The following COL1A2 variants were observed in gnomAD, a reference collection of about 807,000 sequenced individuals.
The protein encoded by COL1A2 is collagen type I alpha 2 chain.
In COL1A2, 49 loss-of-function variants were observed where a neutral mutation model predicts 174.3. The observed-to-expected ratio is 0.28, with a 90% CI of 0.22 to 0.36. COL1A2 has a LOEUF of 0.36. COL1A2 is among the 10% of genes least tolerant of loss of function. COL1A2 has a pLI of 1.00. For synonymous variants in COL1A2, 655 were observed against 606.6 expected, an observed-to-expected ratio of 1.08 and a Z score of -1.17; for missense variants, 1,438 against 1,822.7, an observed-to-expected ratio of 0.79 and a Z score of 3.84.
At chr7:94,411,983 G>A (rs1033367525) in intron 23 of COL1A2, 85 bp from the exon 24 acceptor site, 4 of 1,117,956 alleles carry the variant, frequency 3.6e-6, no homozygotes, top group South Asian at 2.6e-5. Context: ...GGGGGAAAAG[G>A]TGCCTTTGTT....
In COL1A2 at chr7:94,418,493, T is replaced by G. The variant is rs1313592101; in HGVS notation, c.1972-6T>G. 1.9e-6 allele frequency: 3 copies of G among 1,613,594 alleles called. No individual in the cohort carries two copies. The African/African-American group carries it at 4.0e-5, about 22-fold the overall frequency. ...ACAAAAAGTTGCTCTTGCTTTATAC[T>G]TTCAGGGTGAACCTGGTCTCAGAGG... On this transcript the variant is annotated splice_region_variant and splice_polypyrimidine_tract_variant and intron_variant, in intron 32 of 51. Transcript: ENST00000297268.
chr7:94,415,214 T>C lies in COL1A2; in HGVS notation c.1720-12T>C. ...ACACAGATTTCATGCTTTATTCTCATGTTTTGTCTAGGGTCTCCATGGTGA... is the reference window on the plus strand; with the variant it reads ...ACACAGATTTCATGCTTTATTCTCACGTTTTGTCTAGGGTCTCCATGGTGA... On this transcript the variant is annotated splice_polypyrimidine_tract_variant and intron_variant, in intron 29 of 51. Coordinates refer to ENST00000297268, the MANE Select transcript of COL1A2 (RefSeq NM_000089.4). 2 of 1,612,316 alleles carry C rather than the reference T, an allele frequency of 1.2e-6. No individual in the cohort carries two copies. Among genetic ancestry groups the C allele is most frequent in the Non-Finnish European group, 1.7e-6 (2 of 1,178,330 alleles).
chr7:94,424,449 T>A lies in COL1A2; in HGVS notation c.2673+6T>A, dbSNP rs541013702. ...CAGGTGTTGCTGGTGCTGTGGTGAG[T>A]GCTTGACAGTATTCTGACTCCATTA... On this transcript the variant is annotated splice_donor_region_variant and intron_variant, in intron 41 of 51. Coordinates refer to ENST00000297268, the MANE Select transcript of COL1A2 (RefSeq NM_000089.4). 7 of 1,612,290 alleles carry A rather than the reference T, an allele frequency of 4.3e-6. No homozygotes were observed. In the East Asian group the frequency reaches 8.9e-5, roughly 21 times the overall value.
chr7:94,400,431 C>A, intron 5 of COL1A2, 143 bp downstream of exon 5: 1 of 804,992 alleles, frequency 1.2e-6, no homozygotes, highest in Non-Finnish European at 2.0e-6. Flanking sequence ...TTTTTTCACT[C>A]AAGATTCTGC....
chr7:94,399,253 T>C (rs907849799), intron 4 of COL1A2, among the ~76,000 whole-genome samples, 169 bp downstream of exon 4: 11 of 152,218 alleles, frequency 7.2e-5, no homozygotes, highest in African/African-American at 2.7e-4. Flanking sequence ...TTATATATGA[T>C]CAATATTTGT....
At position 94,429,275 on chromosome 7, in the gene COL1A2, A is replaced by C; in HGVS notation, c.3799A>C (p.Asn1267His). The C allele has an allele frequency of 6.2e-7, 1 of 1,614,072 alleles. No individual in the cohort carries two copies. Among genetic ancestry groups the C allele is most frequent in the Non-Finnish European group, 8.5e-7 (1 of 1,180,004 alleles). ...MRLLANYASQNITYHCKNSIA... is the reference protein window; with the variant it reads ...MRLLANYASQHITYHCKNSIA... ...CCTGCTGGCCAACTATGCCTCTCAGAACATCACCTACCACTGCAAGAACAG... is the reference window on the plus strand; with the variant it reads ...CCTGCTGGCCAACTATGCCTCTCAGCACATCACCTACCACTGCAAGAACAG... Residue 1267 changes from asparagine (N) to histidine (H), a missense_variant, in exon 51 of 52, where the codon AAC (asparagine) becomes CAC (histidine). Around this residue, in one of 3 missense-constraint regions of COL1A2, gnomAD observed 290 missense variants for 298.1 expected, o/e 0.97. Transcript: ENST00000297268.
rs140793239 is a variant in COL1A2, at chr7:94,402,511, T to TATG, written c.279+911_279+913dup. On this transcript the variant is annotated intron_variant, in intron 6 of 51. Coordinates refer to ENST00000297268, the MANE Select transcript of COL1A2 (RefSeq NM_000089.4). ...GAGCACCGCTTAGAAACATTCCCTA[T>TATG]ATGATGATGATGATGATGATGACTA... 6.9e-3 allele frequency among the ~76,000 whole-genome samples: 1,048 copies of TATG among 151,842 alleles called. 17 individuals are homozygous for TATG. Among genetic ancestry groups the TATG allele is most frequent in the African/African-American group, 0.023 (959 of 41,440 alleles).
chr7:94,412,568 A>G lies in COL1A2; in HGVS notation c.1405-16A>G, dbSNP rs73428205. The stretch of plus-strand genomic sequence containing the variant: ...TATGTTGACACTGAGTAAACTTGAA[A>G]TAACTCTGCTTTCAGGGCCTCCCTG... On this transcript the variant is annotated splice_polypyrimidine_tract_variant and intron_variant, in intron 24 of 51. Transcript: ENST00000297268. 186 of 1,607,460 alleles carry G rather than the reference A, an allele frequency of 1.2e-4. No individual in the cohort carries two copies. The African/African-American group carries it at 2.3e-3, about 20-fold the overall frequency.
chr7:94,407,337 A>T (rs1387207113), intron 12 of COL1A2, among the ~76,000 whole-genome samples: 1 of 74,416 alleles, frequency 1.3e-5, no homozygotes, highest in Non-Finnish European at 2.7e-5. Context: ...CCATAGTATT[A>T]AATCCCACTA....
intron 25 of COL1A2, 137 bp from the exon 26 acceptor site, chr7:94,412,946 A>T: frequency 2.3e-6 from 2 of 871,022 alleles, no homozygotes; most frequent in Non-Finnish European, 1.9e-6. Context: ...GATCATCCTT[A>T]GATAACAGAA....
Position 94,405,115 on chromosome 7 carries a change from C to A in COL1A2, c.433-84C>A, listed in dbSNP as rs1380883309. ...CCATATTTTTATGTGATAACTTTCT[C>A]CCCTTTTGTAAAAACCAAGATTCCC... On this transcript the variant is annotated intron_variant, in intron 9 of 51. Transcript: ENST00000297268. 4 of 1,386,852 alleles carry A rather than the reference C, an allele frequency of 2.9e-6. No homozygotes were observed. The African/African-American group carries it at 4.3e-5, about 15-fold the overall frequency. The allele number at this position is 1,386,852 out of a possible 1,614,324, so 85.9% of individuals were successfully genotyped here. A position where few individuals can be genotyped will look rare whatever the true frequency, so the allele number is the denominator to read the frequency against.
chr7:94,412,192 C>T, intron 24 of COL1A2, 71 bp downstream of exon 24: 1 of 1,276,502 alleles, frequency 7.8e-7, no homozygotes, highest in Non-Finnish European at 1.1e-6. Flanking sequence ...TATTTTGTGG[C>T]TTATTTATAC....
chr7:94,430,189 T>C (rs752577503), intron 51 of COL1A2, 58 bp from the exon 52 acceptor site: 5 of 1,530,730 alleles, frequency 3.3e-6, no homozygotes, highest in Non-Finnish European at 4.5e-6. Context: ...AAGGTTCAGA[T>C]ATTATCAGAT....
In COL1A2 at chr7:94,423,111, G is replaced by C; in HGVS notation, c.2558G>C (p.Gly853Ala). ...GAGAAGGGTCCCTCTGGAGAGGCTGGTACTGCTGTAAGTGATTTCCAACTC... is the reference window on the plus strand; with the variant it reads ...GAGAAGGGTCCCTCTGGAGAGGCTGCTACTGCTGTAAGTGATTTCCAACTC... ...AGEKGPSGEA[G>A]TAGPPGTPGP... The change falls in exon 40 of 52, where the codon GGT (glycine) becomes GCT (alanine). Residue 853 changes from glycine (G) to alanine (A), a missense_variant. Transcript: ENST00000297268. The C allele has an allele frequency of 6.2e-7, 1 of 1,614,134 alleles. No homozygotes were observed. The highest frequency in any genetic ancestry group is 1.1e-5 in the South Asian group (1 of 91,076).
intron 31 of COL1A2, 69 bp from the exon 32 acceptor site, chr7:94,417,655 C>T (rs1050791384): frequency 1.5e-6 from 2 of 1,339,588 alleles, no homozygotes; most frequent in Non-Finnish European, 2.1e-6. Flanking sequence ...AATTGGAATT[C>T]TTCTAGAGTT....
At chr7:94,406,402 A>G in intron 12 of COL1A2, 99 bp downstream of exon 12, 1 of 1,114,748 alleles carries the variant, frequency 9.0e-7, no homozygotes, top group Non-Finnish European at 1.3e-6. Context: ...CATATTACAA[A>G]AAGTATTTTT....
chr7:94,410,443 T>C lies in COL1A2; in HGVS notation c.1113T>C (p.Pro371=), dbSNP rs547506739. Residue 371 remains proline (P), a synonymous_variant, in exon 21 of 52, where the codon CCT becomes CCC. Coordinates refer to ENST00000297268, the MANE Select transcript of COL1A2 (RefSeq NM_000089.4). ...GEPGSAGPQG[P]PGPSGEEGKR... is the part of the protein sequence containing the mutation. The stretch of plus-strand genomic sequence containing the variant: ...AGGGCTCTGCTGGGCCCCAAGGTCC[T>C]CCTGGTCCCAGTGGTGAAGAAGGAA... The C allele has an allele frequency of 5.1e-5, 79 of 1,551,364 alleles. No individual in the cohort carries two copies. The highest frequency in any genetic ancestry group is 6.8e-5 in the Non-Finnish European group (78 of 1,147,372).
Position 94,404,887 on chromosome 7 carries a change from G to A in COL1A2, c.427G>A (p.Glu143Lys), listed in dbSNP as rs200403666. 1 of 1,613,978 alleles carries A rather than the reference G, an allele frequency of 6.2e-7. No individual in the cohort carries two copies. The highest frequency in any genetic ancestry group is 8.5e-7 in the Non-Finnish European group (1 of 1,179,950). The change falls in exon 9 of 52, where the codon GAA becomes AAA. Residue 143 changes from glutamate to lysine, a missense_variant. Coordinates refer to ENST00000297268, the MANE Select transcript of COL1A2 (RefSeq NM_000089.4). Reference protein sequence around the residue: ...GPAGPPGKAGEDGHPGKPGRP... With the variant: ...GPAGPPGKAGKDGHPGKPGRP... ...AGCTGGCCCTCCTGGCAAGGCTGGTGAAGATGTAAGTATTTACTCTTAAGC... is the reference window on the plus strand; with the variant it reads ...AGCTGGCCCTCCTGGCAAGGCTGGTAAAGATGTAAGTATTTACTCTTAAGC...
intron 46 of COL1A2, 62 bp from the exon 47 acceptor site, chr7:94,426,946 A>G (rs1792290881): frequency 6.5e-7 from 1 of 1,536,480 alleles, no homozygotes; most frequent in Admixed American, 1.7e-5. Context: ...TTGGAAAAAA[A>G]AAAAAAATAT....
Sources: gnomAD v4.1 joint callset for allele counts (sites outside exome capture counted in the v4.1 genomes callset) on GRCh38, gnomAD v4.1.1 for gene constraint, gnomAD v4.1.1 regional missense constraint, MANE v1.5 for transcripts, NCBI Gene and HGNC (gene_info 2026-07-23, HGNC 2026-07-21) for gene names.